The following TIMD4 variants were observed in gnomAD, a reference collection of about 807,000 sequenced individuals.
TIMD4 encodes T cell immunoglobulin and mucin domain containing 4.
A neutral mutation model predicts 41.2 loss-of-function variants in TIMD4; 31 were observed. That is an observed-to-expected ratio of 0.75 (90% CI 0.57 to 1.01). TIMD4 has a LOEUF of 1.01. Ranked by LOEUF, TIMD4 falls within the 50% of genes least tolerant of loss-of-function variation. TIMD4 has a pLI of 0.00. For missense variants in TIMD4, 479 were observed against 472.5 expected, an observed-to-expected ratio of 1.01 and a Z score of -0.13; for synonymous variants, 204 against 177.1, an observed-to-expected ratio of 1.15 and a Z score of -1.21.
At chr5:156,937,196 G>A (rs528834265) in intron 5 of TIMD4, among the ~76,000 whole-genome samples, 1 of 152,198 alleles carries the variant, frequency 6.6e-6, no homozygotes, top group East Asian at 1.9e-4. Context: ...CTTGCCCAAG[G>A]CTGCATAGCT....
chr5:156,922,003 G>C, intron 7 of TIMD4, 96 bp downstream of exon 7: 1 of 901,290 alleles, frequency 1.1e-6, no homozygotes, highest in South Asian at 1.8e-5. Flanking sequence ...AGCCTCTTTG[G>C]GGAGGGATAA....
intron 5 of TIMD4, among the ~76,000 whole-genome samples, chr5:156,937,657 A>G (rs1390817099): frequency 1.3e-5 from 2 of 152,166 alleles, no homozygotes; most frequent in African/African-American, 4.8e-5. Flanking sequence ...AAGCTTGGCA[A>G]TTCTCTTTGA....
intron 4 of TIMD4, 79 bp downstream of exon 4, chr5:156,949,572 A>T (rs1759813849): frequency 1.6e-6 from 2 of 1,262,394 alleles, no homozygotes; most frequent in Admixed American, 3.5e-5. Flanking sequence ...CAGTCATCTG[A>T]TTCAGCAAGA....
chr5:156,933,371 A>G (rs7717981), intron 5 of TIMD4, among the ~76,000 whole-genome samples: 4,938 of 151,922 alleles, frequency 0.033, 266 homozygotes, highest in African/African-American at 0.11. Context: ...TTTTGTAACA[A>G]ATTAGCCAGG....
At chr5:156,951,935 T>C (rs1410624309) in intron 2 of TIMD4, 145 bp from the exon 3 acceptor site, 1 of 1,092,188 alleles carries the variant, frequency 9.2e-7, no homozygotes, top group Non-Finnish European at 1.3e-6. Flanking sequence ...AAAATTGTGT[T>C]TCCTGCCCCC....
intron 1 of TIMD4, among the ~76,000 whole-genome samples, chr5:156,957,963 C>T (rs550262350): frequency 6.6e-6 from 1 of 152,266 alleles, no homozygotes; most frequent in South Asian, 2.1e-4. Flanking sequence ...TAAAAGGAGG[C>T]ATCCTAATTG....
intron 5 of TIMD4, among the ~76,000 whole-genome samples, chr5:156,926,868 T>A (rs1759357372): frequency 6.6e-6 from 1 of 152,188 alleles, no homozygotes; most frequent in South Asian, 2.1e-4. Context: ...CAAAGAAAAC[T>A]TCCTTGAGAA....
At position 156,920,363 on chromosome 5, in the gene TIMD4, A is replaced by T. The variant is rs942414398; in HGVS notation, c.1052+101T>A. 1.1e-5 allele frequency: 14 copies of T among 1,305,412 alleles called. No individual in the cohort carries two copies. In the Admixed American group the frequency reaches 1.2e-4, roughly 11 times the overall value. 80.9% of individuals were successfully genotyped at this position (1,305,412 alleles called of 1,614,324 possible). A position where few individuals can be genotyped will look rare whatever the true frequency, so the allele number is the denominator to read the frequency against. The stretch of plus-strand genomic sequence containing the variant: ...TCACATCTTTCCAACTCTATGTGTA[A>T]TCGTAACACAAGCTCAAGTCATTAA... On this transcript the variant is annotated intron_variant, in intron 8 of 8. Coordinates refer to ENST00000274532, the MANE Select transcript of TIMD4 (RefSeq NM_138379.3).
In TIMD4 at chr5:156,958,299, A is replaced by G. The variant is rs188231253; in HGVS notation, c.59-3543T>C. ...ACTCTGTGAAAGAAAGAGAGAAAGAAAGAAAGAAGGAAAGGAAAGGAAAGG... is the reference window on the plus strand; with the variant it reads ...ACTCTGTGAAAGAAAGAGAGAAAGAGAGAAAGAAGGAAAGGAAAGGAAAGG... On this transcript the variant is annotated intron_variant, in intron 1 of 8. Transcript: ENST00000274532. 6.2e-3 allele frequency among the ~76,000 whole-genome samples: 868 copies of G among 140,452 alleles called. 4 individuals carry two copies. The highest frequency in any genetic ancestry group is 9.1e-3 in the Non-Finnish European group (589 of 64,940). 92.1% of individuals were successfully genotyped at this position (140,452 alleles called of 152,430 possible). A position where few individuals can be genotyped will look rare whatever the true frequency, so the allele number is the denominator to read the frequency against.
At chr5:156,952,487 C>T (rs185704044) in intron 2 of TIMD4, among the ~76,000 whole-genome samples, 6 of 152,180 alleles carry the variant, frequency 3.9e-5, no homozygotes, top group Admixed American at 3.3e-4. Context: ...TCCCACCCAA[C>T]TGGCATTTAT....
chr5:156,944,094 A>C (rs998617468), intron 5 of TIMD4, among the ~76,000 whole-genome samples: 2 of 151,906 alleles, frequency 1.3e-5, no homozygotes, highest in African/African-American at 4.8e-5. Context: ...AATAAAATTA[A>C]TCCCATAGGC....
chr5:156,939,257 C>T (rs1275519371), intron 5 of TIMD4, among the ~76,000 whole-genome samples: 5 of 152,136 alleles, frequency 3.3e-5, no homozygotes, highest in African/African-American at 9.7e-5. Context: ...TCTCCTTTAT[C>T]GTGGACCTTA....
At chr5:156,932,791 G>T (rs1759465793) in intron 5 of TIMD4, among the ~76,000 whole-genome samples, 1 of 152,176 alleles carries the variant, frequency 6.6e-6, no homozygotes, top group Non-Finnish European at 1.5e-5. Context: ...TGGATCACCT[G>T]AGGTCAGTTC....
At position 156,951,496 on chromosome 5, in the gene TIMD4, A is replaced by G. The variant is rs1481615222; in HGVS notation, c.679+16T>C. The G allele has an allele frequency of 4.3e-6, 7 of 1,613,666 alleles. No individual in the cohort carries two copies. Among genetic ancestry groups the G allele is most frequent in the African/African-American group, 1.3e-5 (1 of 74,890 alleles). ...AGACAGCACTGTTCTAAGAAACCCA[A>G]GATACATCTGCGTACCTGCAGTGAG... On this transcript the variant is annotated intron_variant, in intron 3 of 8. Transcript: ENST00000274532.
chr5:156,920,171 C>A (rs73813907), intron 8 of TIMD4, among the ~76,000 whole-genome samples: 1 of 152,154 alleles, frequency 6.6e-6, no homozygotes, highest in East Asian at 1.9e-4. Context: ...CTAACTTACC[C>A]ATAGGTGAAC....
At position 156,923,077 on chromosome 5, in the gene TIMD4, A is replaced by C. The variant is rs186866946; in HGVS notation, c.895-861T>G. 2.6e-4 allele frequency among the ~76,000 whole-genome samples: 39 copies of C among 152,142 alleles called. 1 individual carries two copies. In the East Asian group the frequency reaches 7.3e-3, roughly 29 times the overall value. On this transcript the variant is annotated intron_variant, in intron 6 of 8. Transcript: ENST00000274532. ...TTAAACTTTTTTTTTTTAATTTTAA[A>C]AAATGAGATGGTGTCTCGCTATGTT...
chr5:156,961,994 G>A lies in TIMD4; in HGVS notation c.58+1147C>T, dbSNP rs1753073312. ...AGGCACAGAAAGACAAATATTGCAT[G>A]TTCCCACTCATACATGAGAGCTAAA... On this transcript the variant is annotated intron_variant, in intron 1 of 8. Coordinates refer to ENST00000274532, the MANE Select transcript of TIMD4 (RefSeq NM_138379.3). Among the ~76,000 whole-genome samples the A allele has an allele frequency of 3.3e-5, 5 of 152,060 alleles. No homozygotes were observed. The South Asian group carries it at 6.2e-4, about 19-fold the overall frequency.
At chr5:156,960,701 C>T (rs1760064125) in intron 1 of TIMD4, among the ~76,000 whole-genome samples, 2 of 152,324 alleles carry the variant, frequency 1.3e-5, no homozygotes, top group South Asian at 2.1e-4. Context: ...GCCACCACCC[C>T]TGGCCTGTAG....
At chr5:156,941,793 G>A (rs1475628101) in intron 5 of TIMD4, among the ~76,000 whole-genome samples, 1 of 152,170 alleles carries the variant, frequency 6.6e-6, no homozygotes, top group African/African-American at 2.4e-5. Flanking sequence ...GCCACATAAA[G>A]TGCAACCAAA....
Sources: allele counts gnomAD v4.1 joint callset (sites outside exome capture counted in the v4.1 genomes callset), GRCh38; gene constraint gnomAD v4.1.1; transcripts MANE v1.5; gene names NCBI Gene and HGNC (gene_info 2026-07-23, HGNC 2026-07-21).